The following PTPRD variants were observed in gnomAD, a reference collection of about 807,000 sequenced individuals.
PTPRD encodes the protein protein tyrosine phosphatase receptor type D, also known as receptor-type tyrosine-protein phosphatase delta.
A neutral mutation model predicts 214.5 loss-of-function variants in PTPRD; 34 were observed. That is an observed-to-expected ratio of 0.16 (90% CI 0.12 to 0.21). The LOEUF (loss-of-function observed/expected upper bound fraction) is 0.21, where lower values mean the gene tolerates loss of function less well. Among genes scored for constraint, PTPRD ranks in the 10% least tolerant of loss-of-function variants. The pLI is 1.00. For missense variants in PTPRD, 2,545 were observed against 2,398.7 expected (o/e 1.06, Z -1.27); for synonymous variants, 1,128 against 845.7 (o/e 1.33, Z -5.79).
intron 39 of PTPRD, among the ~76,000 whole-genome samples, chr9:8,372,001 A>G (rs549082931): frequency 8.9e-4 from 136 of 152,168 alleles, no homozygotes; most frequent in African/African-American, 3.2e-3. Flanking sequence ...ATCAAGGACA[A>G]TGGCATTAAG....
At chr9:8,933,351 T>G (rs1390814972) in intron 11 of PTPRD, among the ~76,000 whole-genome samples, 1 of 146,754 alleles carries the variant, frequency 6.8e-6, no homozygotes, top group Non-Finnish European at 1.5e-5. Flanking sequence ...TTTTTTTTTT[T>G]TTTTTTTTTT....
chr9:10,227,557 T>C (rs2099593020), intron 3 of PTPRD, among the ~76,000 whole-genome samples: 2 of 152,000 alleles, frequency 1.3e-5, no homozygotes, highest in South Asian at 4.1e-4. Flanking sequence ...TTGTCTCTAC[T>C]TCCAGGCTAG....
chr9:9,505,450 T>G (rs1171895594), intron 8 of PTPRD, among the ~76,000 whole-genome samples: 1 of 151,522 alleles, frequency 6.6e-6, no homozygotes, highest in Non-Finnish European at 1.5e-5. Flanking sequence ...TAGAAAGACT[T>G]TTAGCCTGAC....
At chr9:8,760,893 T>C (rs73423012) in intron 11 of PTPRD, among the ~76,000 whole-genome samples, 7,109 of 152,256 alleles carry the variant, frequency 0.047, 410 homozygotes, top group African/African-American at 0.14. Context: ...TTGGGATTAG[T>C]GAAGATGTGA....
At chr9:8,866,782 GTT>G (rs34988254) in intron 11 of PTPRD, among the ~76,000 whole-genome samples, 6 of 151,826 alleles carry the variant, frequency 4.0e-5, no homozygotes, top group East Asian at 1.9e-4. Context: ...CATCAAGTCA[GTT>G]TTTTTTTCCT....
chr9:10,443,913 T>G (rs2098779727), intron 2 of PTPRD, among the ~76,000 whole-genome samples: 1 of 151,542 alleles, frequency 6.6e-6, no homozygotes, highest in South Asian at 2.1e-4. Flanking sequence ...CATTTTTTTT[T>G]CAATTTACTT....
intron 9 of PTPRD, among the ~76,000 whole-genome samples, chr9:9,368,630 T>C (rs1035664445): frequency 1.1e-4 from 17 of 151,900 alleles, no homozygotes; most frequent in Non-Finnish European, 2.4e-4. Flanking sequence ...GGGGGAACTC[T>C]TGAAATCATT....
At chr9:10,022,867 G>C (rs999395841) in intron 4 of PTPRD, among the ~76,000 whole-genome samples, 1 of 152,078 alleles carries the variant, frequency 6.6e-6, no homozygotes, top group African/African-American at 2.4e-5. Flanking sequence ...ATAGCCCATT[G>C]AATTATATGG....
intron 9 of PTPRD, among the ~76,000 whole-genome samples, chr9:9,322,500 C>T (rs1966951578): frequency 6.6e-6 from 1 of 152,112 alleles, no homozygotes; most frequent in African/African-American, 2.4e-5. Flanking sequence ...TGTCACTATA[C>T]CATGCTACTT....
Position 9,581,671 on chromosome 9 carries a change from A to G in PTPRD, c.-286-6890T>C, listed in dbSNP as rs116020298. Among the ~76,000 whole-genome samples the G allele has an allele frequency of 5.6e-3, 853 of 152,254 alleles. 8 individuals carry two copies. Among genetic ancestry groups the G allele is most frequent in the African/African-American group, 0.02 (811 of 41,566 alleles). On this transcript the variant is annotated intron_variant, in intron 7 of 45. Transcript: ENST00000381196. The stretch of plus-strand genomic sequence containing the variant: ...ACCCCGTGTTTAGGTGTTAGAGTTT[A>G]CCTTATCAAAATCTTCTCAACGTCT...
At chr9:9,900,641 G>GTGTTTTTTTTTT (rs1555302232) in intron 5 of PTPRD, among the ~76,000 whole-genome samples, 1 of 120,086 alleles carries the variant, frequency 8.3e-6, no homozygotes, top group African/African-American at 3.1e-5. Flanking sequence ...ACATTTTCAG[G>GTGTTTTTTTTTT]TTTTTTTTTT....
At chr9:8,385,634 G>T (rs2086730284) in intron 37 of PTPRD, among the ~76,000 whole-genome samples, 1 of 152,124 alleles carries the variant, frequency 6.6e-6, no homozygotes, top group South Asian at 2.1e-4. Flanking sequence ...AGGGGAGAGG[G>T]GATGTAAAAC....
intron 14 of PTPRD, among the ~76,000 whole-genome samples, chr9:8,572,569 C>T (rs999419663): frequency 1.6e-4 from 24 of 151,640 alleles, no homozygotes; most frequent in African/African-American, 5.6e-4. Context: ...TGGTCTAAAG[C>T]TAAAAAAAGG....
At chr9:8,495,584 A>G (rs1283187266) in intron 26 of PTPRD, among the ~76,000 whole-genome samples, 1 of 152,228 alleles carries the variant, frequency 6.6e-6, no homozygotes, top group African/African-American at 2.4e-5. Context: ...ACAAAGAAAC[A>G]AACAAACAGA....
At chr9:10,539,464 C>T (rs545777353) in intron 2 of PTPRD, among the ~76,000 whole-genome samples, 4 of 152,288 alleles carry the variant, frequency 2.6e-5, no homozygotes, top group Admixed American at 6.5e-5. Context: ...GGATTACAGG[C>T]GTGAGCCACC....
intron 11 of PTPRD, among the ~76,000 whole-genome samples, chr9:8,773,044 T>C (rs557183793): frequency 2.0e-5 from 3 of 152,186 alleles, no homozygotes; most frequent in African/African-American, 4.8e-5. Flanking sequence ...AATTACTCTA[T>C]GAATGTACTC....
At chr9:8,845,882 G>C (rs996743091) in intron 11 of PTPRD, among the ~76,000 whole-genome samples, 2 of 152,198 alleles carry the variant, frequency 1.3e-5, no homozygotes, top group African/African-American at 4.8e-5. Context: ...GCGGTCATTT[G>C]AATAACAACA....
intron 11 of PTPRD, among the ~76,000 whole-genome samples, chr9:8,765,165 G>A (rs1565889968): frequency 6.6e-6 from 1 of 152,178 alleles, no homozygotes; most frequent in African/African-American, 2.4e-5. Context: ...CATATGTGTA[G>A]TAGTTTAAAG....
intron 35 of PTPRD, among the ~76,000 whole-genome samples, chr9:8,436,360 C>T (rs927418386): frequency 3.9e-5 from 6 of 151,960 alleles, no homozygotes; most frequent in African/African-American, 9.7e-5. Flanking sequence ...ACAGAAAATT[C>T]ATAATCTCAG....
Sources: allele counts gnomAD v4.1 joint callset (sites outside exome capture counted in the v4.1 genomes callset), GRCh38; gene constraint gnomAD v4.1.1; transcripts MANE v1.5; gene names NCBI Gene and HGNC (gene_info 2026-07-23, HGNC 2026-07-21).